The following KCNQ1 variants were observed in gnomAD, a reference collection of about 807,000 sequenced individuals.
The protein encoded by KCNQ1 is potassium voltage-gated channel subfamily KQT member 1.
Under a neutral mutation model 72.4 loss-of-function variants are expected in KCNQ1, and 49 were observed. The observed-to-expected ratio is 0.68, with a 90% CI of 0.54 to 0.86. KCNQ1 has a LOEUF of 0.86. Among genes scored for constraint, KCNQ1 ranks in the 40% least tolerant of loss-of-function variants. KCNQ1 has a pLI of 0.00. For synonymous variants in KCNQ1, 450 were observed against 412.6 expected, an observed-to-expected ratio of 1.09 and a Z score of -1.10; for missense variants, 790 against 945.1, an observed-to-expected ratio of 0.84 and a Z score of 2.15.
rs991846655 is a variant in KCNQ1 at position 2,623,850 on chromosome 11, G to T, written c.1393+34996G>T. On this transcript the variant is annotated intron_variant, in intron 10 of 15. Coordinates refer to ENST00000155840, the MANE Select transcript of KCNQ1 (RefSeq NM_000218.3). The surrounding 1 kb of genome is among the most constrained non-coding windows in gnomAD (Gnocchi z 5.2). Reference sequence around the variant, plus strand: ...AATTTTATAAGAAACCACTGATTTCGATATACTCTGGATTCTTCGGGGGAT... The same window carrying T: ...AATTTTATAAGAAACCACTGATTTCTATATACTCTGGATTCTTCGGGGGAT... 3 of 398,338 alleles carry T rather than the reference G, an allele frequency of 7.5e-6. No homozygotes were observed. The highest frequency in any genetic ancestry group is 1.3e-5 in the Non-Finnish European group (3 of 226,038). The allele number at this position is 398,338 out of a possible 1,614,324, so 24.7% of individuals were successfully genotyped here. A position where few individuals can be genotyped will look rare whatever the true frequency, so the allele number is the denominator to read the frequency against.
At position 2,462,312 on chromosome 11, in the gene KCNQ1, C is replaced by T. The variant is rs1414562845; in HGVS notation, c.386+16828C>T. 1.3e-5 allele frequency among the ~76,000 whole-genome samples: 2 copies of T among 152,166 alleles called. No individual in the cohort carries two copies. The highest frequency in any genetic ancestry group is 2.4e-5 in the African/African-American group (1 of 41,444). ...ACGAGGGCAGCGTCGCCATCAGAGG[C>T]GATGTCTAGGGCCACCCCCTCTGAC... On this transcript the variant is annotated intron_variant, in intron 1 of 15. Transcript: ENST00000155840. The surrounding 1 kb of genome is among the most constrained non-coding windows in gnomAD (Gnocchi z 8.2).
At chr11:2,521,658 C>T in intron 1 of KCNQ1, 1 of 416,224 alleles carries the variant, frequency 2.4e-6, no homozygotes, top group Non-Finnish European at 5.1e-6. Context: ...AAGTAGGTGG[C>T]TCTCTTTAAG....
intron 10 of KCNQ1, among the ~76,000 whole-genome samples, chr11:2,605,605 G>A (rs972155792): frequency 6.6e-6 from 1 of 152,104 alleles, no homozygotes; most frequent in Non-Finnish European, 1.5e-5. Flanking sequence ...TAGATATATG[G>A]CTCCGTTTTT....
At position 2,652,396 on chromosome 11, in the gene KCNQ1, T is replaced by G; in HGVS notation, c.1394-9565T>G. On this transcript the variant is annotated intron_variant, in intron 10 of 15. Transcript: ENST00000155840. The surrounding 1 kb of genome is among the most constrained non-coding windows in gnomAD (Gnocchi z 5.9). ...TCGCTCTTAATTAGATTAAAAACAT[T>G]TTTTTCTTCCTGTGTAATTTTGTCT... The G allele has an allele frequency of 2.5e-6, 1 of 398,610 alleles. No homozygotes were observed. The highest frequency in any genetic ancestry group is 4.4e-6 in the Non-Finnish European group (1 of 226,060). 24.7% of individuals were successfully genotyped at this position (398,610 alleles called of 1,614,324 possible). A position where few individuals can be genotyped will look rare whatever the true frequency, so the allele number is the denominator to read the frequency against.
At chr11:2,644,707 G>A (rs1446060110) in intron 10 of KCNQ1, 5 of 398,494 alleles carry the variant, frequency 1.3e-5, no homozygotes, top group Admixed American at 4.4e-5. Context: ...TCCTAAGAGA[G>A]TCTTGTTCCT....
chr11:2,513,998 C>T (rs964392112), intron 1 of KCNQ1, among the ~76,000 whole-genome samples: 1 of 152,208 alleles, frequency 6.6e-6, no homozygotes. Flanking sequence ...AAGTGGCTCC[C>T]GGGCCCCACA....
intron 1 of KCNQ1, among the ~76,000 whole-genome samples, chr11:2,460,822 G>C (rs1376269160): frequency 2.0e-5 from 3 of 152,222 alleles, no homozygotes; most frequent in Non-Finnish European, 4.4e-5. Flanking sequence ...CCCAAAGACT[G>C]CTTCAAGCCT....
chr11:2,749,937 G>A (rs1846199288), intron 11 of KCNQ1, among the ~76,000 whole-genome samples: 1 of 150,744 alleles, frequency 6.6e-6, no homozygotes, highest in African/African-American at 2.5e-5. Context: ...TCCAGCCTGG[G>A]CAACAGAGTG....
At chr11:2,502,239 A>G (rs1388486037) in intron 1 of KCNQ1, among the ~76,000 whole-genome samples, 1 of 152,212 alleles carries the variant, frequency 6.6e-6, no homozygotes, top group Non-Finnish European at 1.5e-5. Context: ...CCAAGTTGGA[A>G]AGAAAGAAGT....
intron 2 of KCNQ1, among the ~76,000 whole-genome samples, chr11:2,554,851 C>T (rs1848044999): frequency 6.6e-6 from 1 of 152,232 alleles, no homozygotes; most frequent in African/African-American, 2.4e-5. Context: ...TGCACAATTT[C>T]CTCTCAATCC....
At position 2,471,154 on chromosome 11, in the gene KCNQ1, G is replaced by A. The variant is rs894241757; in HGVS notation, c.386+25670G>A. ...CTCATCGATATCTCCCAACGGCTGG[G>A]GAACAAGGGCTGACTCGGCTGCAAT... On this transcript the variant is annotated intron_variant, in intron 1 of 15. Transcript: ENST00000155840. This position sits in a 1 kb window ranked among gnomAD's most constrained non-coding sequence, Gnocchi z 4.8. Among the ~76,000 whole-genome samples, 2 of 151,920 alleles carry A rather than the reference G, an allele frequency of 1.3e-5. No individual in the cohort carries two copies. The highest frequency in any genetic ancestry group is 2.9e-5 in the Non-Finnish European group (2 of 67,980).
intron 1 of KCNQ1, among the ~76,000 whole-genome samples, chr11:2,525,264 C>T (rs1476994156): frequency 6.6e-6 from 1 of 152,228 alleles, no homozygotes; most frequent in Non-Finnish European, 1.5e-5. Flanking sequence ...GTGCCCAGTG[C>T]AGATGGGCAC....
intron 10 of KCNQ1, chr11:2,646,182 A>C: frequency 2.5e-6 from 1 of 398,588 alleles, no homozygotes; most frequent in Non-Finnish European, 4.4e-6. Flanking sequence ...AACTGTGGTT[A>C]CCTACTTGCT....
chr11:2,523,883 G>C (rs1847444974), intron 1 of KCNQ1, among the ~76,000 whole-genome samples: 1 of 152,032 alleles, frequency 6.6e-6, no homozygotes, highest in African/African-American at 2.4e-5. Flanking sequence ...TGAGAGTGGG[G>C]GGAGTGCAGC....
intron 1 of KCNQ1, among the ~76,000 whole-genome samples, chr11:2,448,388 G>A (rs112548579): frequency 0.01 from 1,594 of 152,350 alleles, 12 homozygotes; most frequent in Non-Finnish European, 0.015. Context: ...TCGCGGGTGC[G>A]TGTTAATCAA....
chr11:2,631,736 G>A, intron 10 of KCNQ1: 2 of 398,582 alleles, frequency 5.0e-6, no homozygotes, highest in South Asian at 2.5e-4. Context: ...AGGATATAAT[G>A]GAATACTCTT....
chr11:2,700,865 A>G (rs1850798669), intron 11 of KCNQ1, among the ~76,000 whole-genome samples: 1 of 151,774 alleles, frequency 6.6e-6, no homozygotes, highest in African/African-American at 2.4e-5. Flanking sequence ...GCGCCTTCTG[A>G]ATGCCAAGCA....
chr11:2,631,694 G>A (rs2133817068), intron 10 of KCNQ1: 1 of 398,534 alleles, frequency 2.5e-6, no homozygotes, highest in East Asian at 3.6e-5. Flanking sequence ...GGAGTGTTAA[G>A]TAGGTAGGGT....
chr11:2,678,751 G>T lies in KCNQ1; in HGVS notation c.1514+16670G>T. 5.0e-6 allele frequency: 2 copies of T among 398,622 alleles called. No individual in the cohort carries two copies. The highest frequency in any genetic ancestry group is 3.6e-5 in the East Asian group (1 of 28,072). 24.7% of individuals were successfully genotyped at this position (398,622 alleles called of 1,614,324 possible). ...CTCTTGAGTTAGACAGGAAGCTGGG[G>T]TGTTTGGGACTGAGGCTTCATCGTG... On this transcript the variant is annotated intron_variant, in intron 11 of 15. Coordinates refer to ENST00000155840, the MANE Select transcript of KCNQ1 (RefSeq NM_000218.3). This position sits in a 1 kb window ranked among gnomAD's most constrained non-coding sequence, Gnocchi z 4.9.
Sources: gnomAD v4.1 joint callset for allele counts (sites outside exome capture counted in the v4.1 genomes callset) on GRCh38, gnomAD v4.1.1 for gene constraint, Gnocchi (gnomAD v3.1) non-coding constraint, MANE v1.5 for transcripts, NCBI Gene and HGNC (gene_info 2026-07-23, HGNC 2026-07-21) for gene names.